The following SPINT2 variants were observed in gnomAD, a reference collection of about 807,000 sequenced individuals.
SPINT2 encodes kunitz-type protease inhibitor 2.
SPINT2 carries 18 observed loss-of-function variants against 30.1 expected under a neutral mutation model. That is an observed-to-expected ratio of 0.60 (90% confidence interval 0.41 to 0.89). SPINT2 has a LOEUF of 0.89. SPINT2 is among the 40% of genes least tolerant of loss of function. SPINT2 has a pLI of 0.00. For missense variants in SPINT2, 276 were observed against 334.3 expected (o/e 0.83, Z 1.36); for synonymous variants, 139 against 137.9 (o/e 1.01, Z -0.05).
At chr19:38,267,654 G>GGA (rs1000783602) in intron 1 of SPINT2, among the ~76,000 whole-genome samples, 1 of 151,802 alleles carries the variant, frequency 6.6e-6, no homozygotes, top group Non-Finnish European at 1.5e-5. Context: ...GGAAGCGGGG[G>GGA]GGCGAGGGTG....
At chr19:38,284,121 A>C (rs1263690779) in intron 2 of SPINT2, among the ~76,000 whole-genome samples, 1 of 151,692 alleles carries the variant, frequency 6.6e-6, no homozygotes, top group Admixed American at 6.6e-5. Context: ...GATTACAGGC[A>C]TGAGCCACTG....
chr19:38,266,591 G>A (rs1252567328), intron 1 of SPINT2, among the ~76,000 whole-genome samples: 2 of 151,852 alleles, frequency 1.3e-5, no homozygotes, highest in East Asian at 1.9e-4. Context: ...CAGGAGAATC[G>A]CTTGAAGCCC....
chr19:38,264,857 T>C lies in SPINT2; in HGVS notation c.-36T>C. Reference sequence around the variant, plus strand: ...CACCTGATCGCGAGACCCCAACGGCTGGTGGCGTCGCCTGCGCGTCTCGGC... The same window carrying C: ...CACCTGATCGCGAGACCCCAACGGCCGGTGGCGTCGCCTGCGCGTCTCGGC... On this transcript the variant is annotated 5_prime_UTR_variant, in exon 1 of 7. Coordinates refer to ENST00000301244, the MANE Select transcript of SPINT2 (RefSeq NM_021102.4). The C allele has an allele frequency of 2.0e-6, 3 of 1,527,658 alleles. No individual in the cohort carries two copies. Among genetic ancestry groups the C allele is most frequent in the Non-Finnish European group, 2.6e-6 (3 of 1,141,448 alleles). 94.6% of individuals were successfully genotyped at this position (1,527,658 alleles called of 1,614,324 possible).
chr19:38,281,971 C>G (rs1444121567), intron 1 of SPINT2, among the ~76,000 whole-genome samples: 2 of 152,306 alleles, frequency 1.3e-5, no homozygotes, highest in East Asian at 3.9e-4. Flanking sequence ...ATAAGGTACC[C>G]TCTAACGGGT....
rs371302405 is a variant in SPINT2 at position 38,289,204 on chromosome 19, A to G, written c.391+13A>G. 3.7e-5 allele frequency: 59 copies of G among 1,613,380 alleles called. No homozygotes were observed. In the African/African-American group the frequency reaches 6.0e-4, roughly 16 times the overall value. On this transcript the variant is annotated intron_variant, in intron 4 of 6. Coordinates refer to ENST00000301244, the MANE Select transcript of SPINT2 (RefSeq NM_021102.4). ...TTCAACTATGAAGGTAAAACTCCAAAGAGGCCAGGTGCGGTGGCTCACACC... is the reference window on the plus strand; with the variant it reads ...TTCAACTATGAAGGTAAAACTCCAAGGAGGCCAGGTGCGGTGGCTCACACC...
At chr19:38,273,402 T>C (rs1301503575) in intron 1 of SPINT2, among the ~76,000 whole-genome samples, 1 of 152,070 alleles carries the variant, frequency 6.6e-6, no homozygotes, top group East Asian at 1.9e-4. Context: ...GTACCTCCTG[T>C]CATTCAGTAC....
chr19:38,288,682 G>C, intron 3 of SPINT2: 1 of 199,496 alleles, frequency 5.0e-6, no homozygotes, highest in Non-Finnish European at 1.0e-5. Context: ...CTGGCTTGCA[G>C]AGTGCTGGGG....
rs781035774 is a variant in SPINT2, at chr19:38,290,197, C to T, written c.470C>T (p.Ser157Phe). The stretch of plus-strand genomic sequence containing the variant: ...TGGTACTTTGACGTGGAGAGGAACT[C>T]CTGCAATAACTTCATCTATGGAGGC... ...PRWYFDVERN[S>F]CNNFIYGGCR... The change falls in exon 5 of 7, where the codon TCC (serine) becomes TTC (phenylalanine). Residue 157 changes from serine (S) to phenylalanine (F), a missense_variant. By Grantham distance (155) the Ser-to-Phe change is radical. Transcript: ENST00000301244. This position sits in a 1 kb window ranked among gnomAD's most constrained non-coding sequence, Gnocchi z 4.3. 1 of 1,612,608 alleles carries T rather than the reference C, an allele frequency of 6.2e-7. No homozygotes were observed. Among genetic ancestry groups the T allele is most frequent in the South Asian group, 1.1e-5 (1 of 91,016 alleles).
At chr19:38,289,503 A>AAC (rs1275273918) in intron 4 of SPINT2, 1 of 239,824 alleles carries the variant, frequency 4.2e-6, no homozygotes, top group Non-Finnish European at 8.2e-6. Flanking sequence ...AAAAAAAAAA[A>AAC]AAAAAAAAAA....
intron 4 of SPINT2, 88 bp downstream of exon 4, chr19:38,289,279 G>T: frequency 8.8e-7 from 1 of 1,138,326 alleles, no homozygotes; most frequent in Non-Finnish European, 1.3e-6. Context: ...ACGAGGTCAG[G>T]ATATCAAGAC....
intron 2 of SPINT2, among the ~76,000 whole-genome samples, chr19:38,285,653 A>C (rs1439753225): frequency 6.6e-6 from 1 of 152,240 alleles, no homozygotes; most frequent in East Asian, 1.9e-4. Flanking sequence ...ATTTCACTTT[A>C]ACTGAAAAAA....
At chr19:38,270,768 C>G (rs894621306) in intron 1 of SPINT2, among the ~76,000 whole-genome samples, 2 of 152,212 alleles carry the variant, frequency 1.3e-5, no homozygotes, top group African/African-American at 4.8e-5. Flanking sequence ...CCATCCCCAG[C>G]CATTTGCAGA....
rs1201967463 is a variant in SPINT2, at chr19:38,291,826, T to C, written c.593-14T>C. ...CTTGCCTGGCCCGTCCTGAGGCCCC[T>C]CTCTCGTCCTCAGTGGTGGTTCTGG... On this transcript the variant is annotated splice_polypyrimidine_tract_variant and intron_variant, in intron 6 of 6. Transcript: ENST00000301244. The C allele has an allele frequency of 1.9e-6, 3 of 1,611,660 alleles. No individual in the cohort carries two copies. Among genetic ancestry groups the C allele is most frequent in the Non-Finnish European group, 2.5e-6 (3 of 1,179,636 alleles).
intron 1 of SPINT2, among the ~76,000 whole-genome samples, chr19:38,280,361 C>T (rs1026635997): frequency 2.0e-5 from 3 of 152,194 alleles, no homozygotes; most frequent in African/African-American, 7.2e-5. Context: ...CTTCAAGCAT[C>T]GTGTTCCATT....
intron 2 of SPINT2, among the ~76,000 whole-genome samples, chr19:38,286,984 A>G (rs563935269): frequency 5.3e-5 from 8 of 152,228 alleles, no homozygotes; most frequent in East Asian, 1.9e-4. Context: ...CAGTTAAGCA[A>G]TTATTTGGCC....
chr19:38,276,305 A>G (rs557105773), intron 1 of SPINT2, among the ~76,000 whole-genome samples: 1 of 152,278 alleles, frequency 6.6e-6, no homozygotes, highest in South Asian at 2.1e-4. Flanking sequence ...GGAGTCTGTC[A>G]ATAACTAGAA....
At chr19:38,287,706 A>G (rs552176347) in intron 2 of SPINT2, among the ~76,000 whole-genome samples, 170 bp from the exon 3 acceptor site, 26 of 152,260 alleles carry the variant, frequency 1.7e-4, no homozygotes, top group Admixed American at 4.6e-4. Context: ...CCTCTTCGGG[A>G]GGCAATCTTG....
intron 2 of SPINT2, among the ~76,000 whole-genome samples, chr19:38,286,099 C>G (rs571439266): frequency 3.9e-5 from 6 of 152,212 alleles, no homozygotes; most frequent in Middle Eastern, 3.4e-3. Flanking sequence ...GTGTGTCTCT[C>G]GAGGCGCTCC....
chr19:38,268,760 C>CGTGT (rs765952659), intron 1 of SPINT2, among the ~76,000 whole-genome samples: 11 of 126,046 alleles, frequency 8.7e-5, no homozygotes, highest in African/African-American at 2.0e-4. Context: ...AGAGCATGCG[C>CGTGT]GCGCGCGTGT....
Sources: gnomAD v4.1 joint callset for allele counts (sites outside exome capture counted in the v4.1 genomes callset) on GRCh38, gnomAD v4.1.1 for gene constraint, Gnocchi (gnomAD v3.1) non-coding constraint, MANE v1.5 for transcripts, NCBI Gene and HGNC (gene_info 2026-07-23, HGNC 2026-07-21) for gene names.